Variants in ABCA12 observed in about 807,000 individuals in gnomAD.
ABCA12 encodes glucosylceramide transporter ABCA12.
In ABCA12, 156 loss-of-function variants were observed where a neutral mutation model predicts 293.5. The ratio of observed to expected loss-of-function variants is 0.53; its 90% CI spans 0.47 to 0.61. The LOEUF is 0.61. Ranked by LOEUF, ABCA12 falls within the 20% of genes least tolerant of loss-of-function variation. The probability of loss-of-function intolerance (pLI) is 0.00; values close to 1 mark genes in which losing one functional copy is unlikely to be tolerated. For missense variants in ABCA12, 2,797 were observed against 3,090.2 expected (o/e 0.91, Z 2.25); for synonymous variants, 1,063 against 1,108.0 (o/e 0.96, Z 0.81).
rs1701950506 is a variant in ABCA12 at position 215,081,939 on chromosome 2, C to T, written c.164-17720G>A. 2.0e-5 allele frequency among the ~76,000 whole-genome samples: 3 copies of T among 151,438 alleles called. 1 individual carries two copies. In the South Asian group the frequency reaches 6.2e-4, roughly 31 times the overall value. ...TTGTTACTAGAGGATTGGAATTATT[C>T]TTATTAATAGTGTTACACACACTGT... On this transcript the variant is annotated intron_variant, in intron 2 of 52. Transcript: ENST00000272895.
intron 23 of ABCA12, among the ~76,000 whole-genome samples, chr2:214,997,216 T>C (rs541037761): frequency 1.3e-5 from 2 of 152,150 alleles, no homozygotes; most frequent in East Asian, 1.9e-4. Flanking sequence ...GAGAAGGTAA[T>C]TGAAGGAGAC....
chr2:215,131,470 T>C lies in ABCA12; in HGVS notation c.69+6670A>G, dbSNP rs534459291. Among the ~76,000 whole-genome samples, 9 of 152,106 alleles carry C rather than the reference T, an allele frequency of 5.9e-5. No individual in the cohort carries two copies. In the South Asian group the frequency reaches 1.9e-3, roughly 31 times the overall value. ...CTTCCTGGTTTAATCTTGGGGGTTGTATGTTTCCAGGAATTTATTCATTTT... is the reference window on the plus strand; with the variant it reads ...CTTCCTGGTTTAATCTTGGGGGTTGCATGTTTCCAGGAATTTATTCATTTT... On this transcript the variant is annotated intron_variant, in intron 1 of 52. Coordinates refer to ENST00000272895, the MANE Select transcript of ABCA12 (RefSeq NM_173076.3).
rs577601816 is a variant in ABCA12 at position 214,932,528 on chromosome 2, A to ATTACT, written c.*101_*105dup. On this transcript the variant is annotated 3_prime_UTR_variant, in exon 53 of 53. Transcript: ENST00000272895. ...ACAGTTGTAACTTTCCATACAGTATATTACTTTACTTTAAAATGAAGATAT... is the reference window on the plus strand; with the variant it reads ...ACAGTTGTAACTTTCCATACAGTATATTACTTTACTTTACTTTAAAATGAAGATAT... 713 of 877,756 alleles carry ATTACT rather than the reference A, an allele frequency of 8.1e-4. 1 individual carries two copies. Among genetic ancestry groups the ATTACT allele is most frequent in the Non-Finnish European group, 1.1e-3 (576 of 536,708 alleles). 54.4% of individuals were successfully genotyped at this position (877,756 alleles called of 1,614,324 possible).
At position 214,938,412 on chromosome 2, in the gene ABCA12, C is replaced by T. The variant is rs1400658870; in HGVS notation, c.7437-797G>A. On this transcript the variant is annotated intron_variant, in intron 50 of 52. Coordinates refer to ENST00000272895, the MANE Select transcript of ABCA12 (RefSeq NM_173076.3). ...CAAGTCTTTGCTATTGTGAACAGTG[C>T]TGCAGTAAACATACATGTGCATGTG... 3.3e-5 allele frequency among the ~76,000 whole-genome samples: 5 copies of T among 152,110 alleles called. No homozygotes were observed. The South Asian group carries it at 6.2e-4, about 19-fold the overall frequency.
At chr2:214,948,514 GA>G in intron 47 of ABCA12, 81 bp downstream of exon 47, 1 of 1,428,670 alleles carries the variant, frequency 7.0e-7, no homozygotes, top group Non-Finnish European at 9.6e-7. Flanking sequence ...GGGCAGGGGG[GA>G]CAGTGGGTGT....
chr2:214,970,156 T>G, intron 37 of ABCA12, 117 bp downstream of exon 37: 3 of 1,066,428 alleles, frequency 2.8e-6, no homozygotes, highest in Middle Eastern at 3.2e-4. Context: ...TAAATAAAAC[T>G]GAGAATTTAA....
Position 215,103,263 on chromosome 2 carries a change from C to CTTTTTTTTTTTTTTTTTTTTTTT in ABCA12, c.163+8333_163+8334insAAAAAAAAAAAAAAAAAAAAAAA, listed in dbSNP as rs1158377505. On this transcript the variant is annotated intron_variant, in intron 2 of 52. Coordinates refer to ENST00000272895, the MANE Select transcript of ABCA12 (RefSeq NM_173076.3). ...ACTTTAACAATGTCTCTTAAAATTT[C>CTTTTTTTTTTTTTTTTTTTTTTT]TTTCTTTTTTTTTTTTTTTTTTTGA... Among the ~76,000 whole-genome samples, 4 of 81,382 alleles carry CTTTTTTTTTTTTTTTTTTTTTTT rather than the reference C, an allele frequency of 4.9e-5. 2 individuals carry two copies. Among genetic ancestry groups the CTTTTTTTTTTTTTTTTTTTTTTT allele is most frequent in the African/African-American group, 7.4e-5 (2 of 26,868 alleles). The allele number at this position is 81,382 out of a possible 152,430, so 53.4% of individuals were successfully genotyped here. A position where few individuals can be genotyped will look rare whatever the true frequency, so the allele number is the denominator to read the frequency against.
chr2:214,981,990 T>C (rs1295743512), intron 30 of ABCA12, among the ~76,000 whole-genome samples, 197 bp downstream of exon 30: 2 of 130,092 alleles, frequency 1.5e-5, no homozygotes, highest in Non-Finnish European at 3.2e-5. Context: ...TATTATTTTA[T>C]TATTATTGAC....
chr2:215,095,547 C>T (rs543892396), intron 2 of ABCA12, among the ~76,000 whole-genome samples: 6 of 152,228 alleles, frequency 3.9e-5, no homozygotes, highest in East Asian at 1.9e-4. Flanking sequence ...TAATCCTGCT[C>T]GAAGCAGCCC....
chr2:215,095,091 T>G (rs1033838322), intron 2 of ABCA12, among the ~76,000 whole-genome samples: 12 of 152,052 alleles, frequency 7.9e-5, no homozygotes, highest in African/African-American at 2.4e-4. Context: ...TTGTTTTGTT[T>G]TGTTTTGTTT....
chr2:215,051,865 C>T lies in ABCA12; in HGVS notation c.507+622G>A, dbSNP rs73074415. On this transcript the variant is annotated intron_variant, in intron 5 of 52. Coordinates refer to ENST00000272895, the MANE Select transcript of ABCA12 (RefSeq NM_173076.3). ...GTAGAGATTGTAGTTACAAAGAGCACGTGTTCTGCCTAAAGGCATTCACAT... is the reference window on the plus strand; with the variant it reads ...GTAGAGATTGTAGTTACAAAGAGCATGTGTTCTGCCTAAAGGCATTCACAT... 4.5e-3 allele frequency among the ~76,000 whole-genome samples: 680 copies of T among 152,128 alleles called. 11 individuals carry two copies. The highest frequency in any genetic ancestry group is 0.016 in the African/African-American group (658 of 41,550).
chr2:215,022,371 G>A (rs1311102573), intron 11 of ABCA12: 1 of 152,152 alleles, frequency 6.6e-6, no homozygotes, highest in African/African-American at 2.4e-5. Context: ...ATAATTCAGG[G>A]CCAATAATGT....
At chr2:215,091,240 C>G (rs114461602) in intron 2 of ABCA12, among the ~76,000 whole-genome samples, 1,902 of 152,158 alleles carry the variant, frequency 0.013, 20 homozygotes, top group Middle Eastern at 0.048. Context: ...GGCTGCTTCT[C>G]ACCAGGCTGA....
At chr2:214,981,666 T>C (rs1699657917) in intron 30 of ABCA12, among the ~76,000 whole-genome samples, 1 of 151,612 alleles carries the variant, frequency 6.6e-6, no homozygotes, top group African/African-American at 2.4e-5. Context: ...TTAAAAGATA[T>C]CATATTCGAT....
intron 2 of ABCA12, among the ~76,000 whole-genome samples, chr2:215,081,915 T>G (rs898572454): frequency 6.6e-6 from 1 of 152,192 alleles, no homozygotes; most frequent in Non-Finnish European, 1.5e-5. Context: ...GATTGCGTTT[T>G]GTTACTAGAG....
At chr2:215,053,096 T>C (rs1430199747) in intron 4 of ABCA12, among the ~76,000 whole-genome samples, 2 of 152,102 alleles carry the variant, frequency 1.3e-5, no homozygotes, top group Admixed American at 1.3e-4. Flanking sequence ...TTAGATCAAA[T>C]AAATGGGATA....
chr2:214,932,359 G>A lies in ABCA12; in HGVS notation c.*275C>T, dbSNP rs1046805512. 3 of 381,546 alleles carry A rather than the reference G, an allele frequency of 7.9e-6. No homozygotes were observed. The highest frequency in any genetic ancestry group is 1.0e-4 in the East Asian group (2 of 19,528). 23.6% of individuals were successfully genotyped at this position (381,546 alleles called of 1,614,324 possible). On this transcript the variant is annotated 3_prime_UTR_variant, in exon 53 of 53. Transcript: ENST00000272895. ...AATAAATTAAGATATTCATCTTGAG[G>A]TGGCTTCACCTTTGCATAAGAATCA...
intron 2 of ABCA12, among the ~76,000 whole-genome samples, chr2:215,098,773 A>G (rs552169694): frequency 6.6e-6 from 1 of 152,372 alleles, no homozygotes; most frequent in South Asian, 2.1e-4. Flanking sequence ...TGTCACTAAA[A>G]TCTTTGAAAG....
intron 31 of ABCA12, 124 bp from the exon 32 acceptor site, chr2:214,979,164 A>G: frequency 2.3e-6 from 2 of 863,286 alleles, no homozygotes; most frequent in Non-Finnish European, 3.9e-6. Flanking sequence ...AGATCATAAC[A>G]TCACTGCTCT....
Sources: gnomAD v4.1 joint callset for allele counts (sites outside exome capture counted in the v4.1 genomes callset) on GRCh38, gnomAD v4.1.1 for gene constraint, MANE v1.5 for transcripts, NCBI Gene and HGNC (gene_info 2026-07-23, HGNC 2026-07-21) for gene names.